PXMP2: variants seen among roughly 807,000 people sequenced by gnomAD.
PXMP2 encodes the protein peroxisomal membrane protein 2.
A neutral mutation model predicts 20.2 loss-of-function variants in PXMP2; 13 were observed. The ratio of observed to expected loss-of-function variants is 0.64; its 90% CI spans 0.42 to 1.02. The LOEUF (loss-of-function observed/expected upper bound fraction) is 1.02, where lower values mean the gene tolerates loss of function less well. Among genes scored for constraint, PXMP2 ranks in the 50% least tolerant of loss-of-function variants. The pLI, the probability that PXMP2 is intolerant of heterozygous loss-of-function variation, is 0.00. For missense variants in PXMP2, 284 were observed against 251.8 expected (o/e 1.13, Z -0.87); for synonymous variants, 113 against 111.2 (o/e 1.02, Z -0.10).
chr12:132,692,638 G>A (rs1434293486), intron 2 of PXMP2, among the ~76,000 whole-genome samples: 1 of 110,216 alleles, frequency 9.1e-6, no homozygotes, highest in Non-Finnish European at 1.8e-5. Context: ...GATAGTGAGC[G>A]CCCTTAGCCA....
At chr12:132,698,660 A>T (rs2043422943) in intron 3 of PXMP2, among the ~76,000 whole-genome samples, 1 of 151,556 alleles carries the variant, frequency 6.6e-6, no homozygotes. Flanking sequence ...ATGGAGTCTC[A>T]CTCTCGCCCA....
chr12:132,702,630 C>T (rs1473494790), intron 4 of PXMP2: 6 of 213,786 alleles, frequency 2.8e-5, no homozygotes, highest in South Asian at 4.5e-5. Context: ...TGCCCCAAAG[C>T]TCCAGACCCC....
chr12:132,697,440 C>T (rs916030910), intron 3 of PXMP2, among the ~76,000 whole-genome samples: 8 of 151,544 alleles, frequency 5.3e-5, no homozygotes, highest in Non-Finnish European at 1.2e-4. Context: ...CAGAATCTCG[C>T]CCTGTTGCCC....
chr12:132,698,012 C>CTTT (rs1434779260), intron 3 of PXMP2, among the ~76,000 whole-genome samples: 3 of 140,260 alleles, frequency 2.1e-5, no homozygotes, highest in Non-Finnish European at 3.1e-5. Flanking sequence ...GACGTGTCAC[C>CTTT]TTTTTTTTTT....
chr12:132,703,762 G>A (rs898778921), intron 4 of PXMP2, among the ~76,000 whole-genome samples: 2 of 152,232 alleles, frequency 1.3e-5, no homozygotes, highest in African/African-American at 2.4e-5. Flanking sequence ...GTCAGCATCT[G>A]GGGAAGTGAG....
Position 132,701,340 on chromosome 12 carries a change from TTCA to T in PXMP2, c.494_496del (p.Ile165del). On this transcript the variant is annotated inframe_deletion, in exon 4 of 5. Coordinates refer to ENST00000317479, the MANE Select transcript of PXMP2 (RefSeq NM_018663.3). ...CTGGCGGGTGTGGACGCCACTACAG[TTCA>T]TCAACATCAACTACGTCCCTCTGAA... 1.9e-6 allele frequency: 3 copies of T among 1,612,888 alleles called. No individual in the cohort carries two copies. The highest frequency in any genetic ancestry group is 2.5e-6 in the Non-Finnish European group (3 of 1,179,738).
chr12:132,701,084 T>C lies in PXMP2; in HGVS notation c.400-166T>C, dbSNP rs548514003. ...CACTGATCATTTTCCATCTTGCTGGTTGGCTCCTTAGAGCCGCAGTGCTGA... is the reference window on the plus strand; with the variant it reads ...CACTGATCATTTTCCATCTTGCTGGCTGGCTCCTTAGAGCCGCAGTGCTGA... On this transcript the variant is annotated intron_variant, in intron 3 of 4. Coordinates refer to ENST00000317479, the MANE Select transcript of PXMP2 (RefSeq NM_018663.3). 1.9e-3 allele frequency among the ~76,000 whole-genome samples: 288 copies of C among 152,326 alleles called. 2 individuals are homozygous for C. The highest frequency in any genetic ancestry group is 6.7e-3 in the African/African-American group (279 of 41,572).
At chr12:132,701,108 G>A in intron 3 of PXMP2, 142 bp from the exon 4 acceptor site, 2 of 1,188,826 alleles carry the variant, frequency 1.7e-6, no homozygotes, top group Non-Finnish European at 2.4e-6. Flanking sequence ...CCGCAGTGCT[G>A]AGTACACATG....
chr12:132,688,662 G>T (rs2136056400), intron 1 of PXMP2, among the ~76,000 whole-genome samples: 1 of 30,336 alleles, frequency 3.3e-5, no homozygotes, highest in East Asian at 6.7e-4. Context: ...GAGCGGGTCT[G>T]CGGGGCACGG....
chr12:132,694,943 A>C (rs2043401866), intron 2 of PXMP2, among the ~76,000 whole-genome samples: 1 of 71,264 alleles, frequency 1.4e-5, no homozygotes, highest in Admixed American at 1.4e-4. Context: ...TCCCTTAGCC[A>C]GTTAGTTAGT....
chr12:132,701,610 C>T (rs1452894013), intron 4 of PXMP2: 8 of 534,316 alleles, frequency 1.5e-5, no homozygotes, highest in Admixed American at 7.7e-5. Context: ...AAGGGTGTCC[C>T]GAGTGGTCGT....
At chr12:132,700,848 C>CTT (rs544795992) in intron 3 of PXMP2, among the ~76,000 whole-genome samples, 5,020 of 139,996 alleles carry the variant, frequency 0.036, 296 homozygotes, top group African/African-American at 0.12. Context: ...TACTGGAGTC[C>CTT]TTTTTTTTTT....
intron 3 of PXMP2, among the ~76,000 whole-genome samples, chr12:132,699,396 CAG>C (rs1383089278): frequency 6.6e-6 from 1 of 151,924 alleles, no homozygotes; most frequent in African/African-American, 2.4e-5. Flanking sequence ...GCATGGGCAA[CAG>C]AGTGAGATGG....
chr12:132,691,763 G>GA (rs1391510993), intron 2 of PXMP2, among the ~76,000 whole-genome samples: 1 of 152,106 alleles, frequency 6.6e-6, no homozygotes, highest in African/African-American at 2.4e-5. Context: ...GACTGGGTGG[G>GA]AAAAAACACT....
intron 4 of PXMP2, 89 bp from the exon 5 acceptor site, chr12:132,704,529 CG>C: frequency 9.3e-7 from 1 of 1,077,050 alleles, no homozygotes; most frequent in Middle Eastern, 3.2e-4. Context: ...GACCAACAAA[CG>C]GGTAAACAAA....
intron 1 of PXMP2, among the ~76,000 whole-genome samples, chr12:132,689,948 C>T (rs549290061): frequency 1.3e-5 from 2 of 152,306 alleles, no homozygotes; most frequent in East Asian, 3.9e-4. Flanking sequence ...TGCAGAACAG[C>T]GTCATGATAG....
At position 132,704,947 on chromosome 12, in the gene PXMP2, G is replaced by C; in HGVS notation, c.*260G>C. The C allele has an allele frequency of 1.8e-6, 1 of 545,946 alleles. No homozygotes were observed. The highest frequency in any genetic ancestry group is 3.3e-6 in the Non-Finnish European group (1 of 306,730). 33.8% of individuals were successfully genotyped at this position (545,946 alleles called of 1,614,324 possible). On this transcript the variant is annotated 3_prime_UTR_variant, in exon 5 of 5. Transcript: ENST00000317479. ...GCAGTTTCAATTGTTACTGTGGACC[G>C]AATTAGGATCACAATAAACGATAAT...
At chr12:132,694,020 CAGTT>C (rs1197275418) in intron 2 of PXMP2, among the ~76,000 whole-genome samples, 7 of 57,762 alleles carry the variant, frequency 1.2e-4, no homozygotes, top group African/African-American at 3.2e-4. Context: ...CTCCCTTAGC[CAGTT>C]AGTTAGTGAG....
At chr12:132,692,301 C>A (rs916191568) in intron 2 of PXMP2, among the ~76,000 whole-genome samples, 1 of 141,040 alleles carries the variant, frequency 7.1e-6, no homozygotes, top group Non-Finnish European at 1.6e-5. Flanking sequence ...AGCTCCCTTG[C>A]CAGTTAATTA....
Sources: allele counts gnomAD v4.1 joint callset (sites outside exome capture counted in the v4.1 genomes callset), GRCh38; gene constraint gnomAD v4.1.1; transcripts MANE v1.5; gene names NCBI Gene and HGNC (gene_info 2026-07-23, HGNC 2026-07-21).